The following MOB3B variants were observed in gnomAD, a reference collection of about 807,000 sequenced individuals.
The protein encoded by MOB3B is MOB kinase activator 3B.
MOB3B carries 7 observed loss-of-function variants against 18.7 expected under a neutral mutation model. The ratio of observed to expected loss-of-function variants is 0.37; its 90% confidence interval spans 0.21 to 0.70. MOB3B has a LOEUF of 0.70. Ranked by LOEUF, MOB3B falls within the 30% of genes least tolerant of loss-of-function variation. The pLI, the probability that MOB3B is intolerant of heterozygous loss-of-function variation, is 0.52. For missense variants in MOB3B, 253 were observed against 281.3 expected (o/e 0.90, Z 0.72); for synonymous variants, 111 against 99.9 (o/e 1.11, Z -0.66).
chr9:27,512,015 A>G (rs1430310214), intron 1 of MOB3B, among the ~76,000 whole-genome samples: 1 of 152,098 alleles, frequency 6.6e-6, no homozygotes, highest in Non-Finnish European at 1.5e-5. Flanking sequence ...TGTCCCTCTA[A>G]GCCTAACCAT....
chr9:27,357,604 C>G (rs970030511), intron 3 of MOB3B, among the ~76,000 whole-genome samples: 5 of 152,050 alleles, frequency 3.3e-5, no homozygotes, highest in Admixed American at 2.0e-4. Flanking sequence ...GGTTCTTGCT[C>G]AAGCTTTCTC....
At chr9:27,430,619 C>A (rs2131422008) in intron 2 of MOB3B, among the ~76,000 whole-genome samples, 1 of 152,018 alleles carries the variant, frequency 6.6e-6, no homozygotes, top group African/African-American at 2.4e-5. Context: ...AACATCACAC[C>A]ATATTTTTTA....
chr9:27,455,296 C>A lies in MOB3B; in HGVS notation c.255G>T (p.Arg85=). The change falls in exon 2 of 4, where the codon CGG becomes CGT. Residue 85 remains arginine, a synonymous_variant. Transcript: ENST00000262244. The part of the protein sequence containing the change: ...YGTICEFCTE[R]TCPVMSGGPK... ...GGCCCCCTGACATCACAGGACAGGT[C>A]CGCTCGGTGCAGAACTCACAGATGG... The A allele has an allele frequency of 6.2e-7, 1 of 1,614,092 alleles. No individual in the cohort carries two copies. Among genetic ancestry groups the A allele is most frequent in the South Asian group, 1.1e-5 (1 of 91,062 alleles).
At chr9:27,523,313 C>A (rs1011101264) in intron 1 of MOB3B, among the ~76,000 whole-genome samples, 7 of 152,040 alleles carry the variant, frequency 4.6e-5, no homozygotes, top group Non-Finnish European at 1.0e-4. Flanking sequence ...ATTCACTTAG[C>A]TAAATGGGTG....
chr9:27,406,131 A>G (rs1311260568), intron 2 of MOB3B, among the ~76,000 whole-genome samples: 5 of 152,224 alleles, frequency 3.3e-5, no homozygotes, highest in Non-Finnish European at 5.9e-5. Context: ...AATGAAGTCA[A>G]ACTAGCCTTG....
intron 3 of MOB3B, among the ~76,000 whole-genome samples, chr9:27,356,492 C>T (rs952577584): frequency 2.0e-5 from 3 of 152,170 alleles, no homozygotes; most frequent in Admixed American, 6.5e-5. Flanking sequence ...ACTGAGTTTT[C>T]TGATAGCAAA....
At chr9:27,425,378 A>AC (rs1245721728) in intron 2 of MOB3B, among the ~76,000 whole-genome samples, 225 of 126,070 alleles carry the variant, frequency 1.8e-3, no homozygotes, top group African/African-American at 3.2e-3. Context: ...TGTCTCAAAA[A>AC]AAAAAAAAAA....
intron 3 of MOB3B, 79 bp from the exon 4 acceptor site, chr9:27,330,695 C>T (rs1820774406): frequency 2.5e-6 from 4 of 1,589,714 alleles, no homozygotes; most frequent in Admixed American, 3.5e-5. Context: ...TGAAAATGCT[C>T]TTGGAATCTC....
intron 3 of MOB3B, among the ~76,000 whole-genome samples, chr9:27,337,549 C>T (rs945236737): frequency 7.2e-5 from 11 of 152,234 alleles, no homozygotes; most frequent in African/African-American, 2.4e-4. Flanking sequence ...TTTGCTATTT[C>T]CTTATCTCAA....
intron 2 of MOB3B, among the ~76,000 whole-genome samples, chr9:27,393,773 A>G (rs1821761957): frequency 6.6e-6 from 1 of 152,214 alleles, no homozygotes; most frequent in Non-Finnish European, 1.5e-5. Context: ...TTAAGCGAAC[A>G]CTTGCTTAAG....
At chr9:27,461,268 C>T (rs939357910) in intron 1 of MOB3B, among the ~76,000 whole-genome samples, 1 of 152,194 alleles carries the variant, frequency 6.6e-6, no homozygotes, top group Non-Finnish European at 1.5e-5. Context: ...TGAACATCGT[C>T]TGACCTTTCC....
chr9:27,328,055 C>A lies in MOB3B; in HGVS notation c.*2532G>T, dbSNP rs1820736726. 6.8e-6 allele frequency: 1 copy of A among 147,594 alleles called. No homozygotes were observed. The highest frequency in any genetic ancestry group is 1.5e-5 in the Non-Finnish European group (1 of 66,846). 9.1% of individuals were successfully genotyped at this position (147,594 alleles called of 1,614,324 possible). On this transcript the variant is annotated 3_prime_UTR_variant, in exon 4 of 4. Transcript: ENST00000262244. The stretch of plus-strand genomic sequence containing the variant: ...AGCTTGGGTAAAATAGGGAGAGACC[C>A]CTTCTCTTAAAAAAAAAAAAGGAAG...
At chr9:27,461,811 T>C (rs1819293274) in intron 1 of MOB3B, among the ~76,000 whole-genome samples, 1 of 152,322 alleles carries the variant, frequency 6.6e-6, no homozygotes, top group Middle Eastern at 3.4e-3. Flanking sequence ...AATAGATGAA[T>C]GCACAGGTGT....
intron 3 of MOB3B, among the ~76,000 whole-genome samples, chr9:27,353,650 G>A (rs1821141290): frequency 6.6e-6 from 1 of 152,104 alleles, no homozygotes; most frequent in African/African-American, 2.4e-5. Context: ...GTGCATTAGG[G>A]TAAACAAGTC....
chr9:27,495,254 C>A (rs59336772), intron 1 of MOB3B, among the ~76,000 whole-genome samples: 400 of 152,020 alleles, frequency 2.6e-3, no homozygotes, highest in African/African-American at 9.2e-3. Flanking sequence ...TCACTTGAGC[C>A]CTGGAAGTCA....
At chr9:27,525,947 T>C (rs1390856543) in intron 1 of MOB3B, 1 of 152,238 alleles carries the variant, frequency 6.6e-6, no homozygotes, top group Non-Finnish European at 1.5e-5. Context: ...CTATATTAAT[T>C]CACCACCTAG....
chr9:27,408,519 A>C (rs772250565), intron 2 of MOB3B, among the ~76,000 whole-genome samples: 1 of 152,164 alleles, frequency 6.6e-6, no homozygotes, highest in Non-Finnish European at 1.5e-5. Context: ...GCATTCCACT[A>C]ACATTTGGTT....
chr9:27,333,111 GTTTT>G (rs755174828), intron 3 of MOB3B, among the ~76,000 whole-genome samples: 1 of 151,538 alleles, frequency 6.6e-6, no homozygotes, highest in Non-Finnish European at 1.5e-5. Context: ...ATATGGCAGA[GTTTT>G]TTTTTAAGTA....
At chr9:27,493,187 G>C (rs1429780338) in intron 1 of MOB3B, among the ~76,000 whole-genome samples, 1 of 152,176 alleles carries the variant, frequency 6.6e-6, no homozygotes, top group Non-Finnish European at 1.5e-5. Context: ...ACCCAGGCTG[G>C]AGTGTTGTGG....
Sources: allele counts gnomAD v4.1 joint callset (sites outside exome capture counted in the v4.1 genomes callset), GRCh38; gene constraint gnomAD v4.1.1; transcripts MANE v1.5; gene names NCBI Gene and HGNC (gene_info 2026-07-23, HGNC 2026-07-21).